The following APP variants were observed in gnomAD, a reference collection of about 807,000 sequenced individuals.
APP encodes the protein amyloid-beta precursor protein.
Under a neutral mutation model 101.4 loss-of-function variants are expected in APP, and 31 were observed. The observed-to-expected ratio is 0.31, with a 90% CI of 0.23 to 0.41. APP has a LOEUF of 0.41. Among genes scored for constraint, APP ranks in the 10% least tolerant of loss-of-function variants. APP has a pLI of 1.00. For missense variants in APP, 839 were observed against 1,003.7 expected (o/e 0.84, Z 2.22); for synonymous variants, 366 against 364.4 (o/e 1.00, Z -0.05).
intron 15 of APP, among the ~76,000 whole-genome samples, chr21:25,899,892 A>G (rs541451605): frequency 6.6e-6 from 1 of 152,268 alleles, no homozygotes; most frequent in Admixed American, 6.5e-5. Context: ...TCTCTTTAAT[A>G]TAGACATAAA....
chr21:25,936,071 C>G (rs138154138), intron 13 of APP, among the ~76,000 whole-genome samples: 1 of 152,042 alleles, frequency 6.6e-6, no homozygotes, highest in Non-Finnish European at 1.5e-5. Context: ...AGCTGAGGAA[C>G]GATGAAGAGG....
chr21:26,051,245 G>T lies in APP; in HGVS notation c.469-52C>A, dbSNP rs2070655. ...AGTGGTAGAGTAGATGTGTTTCATT[G>T]TAAGAAAACTCCACATAAAATAATC... is the stretch of plus-strand genomic sequence containing the variant. On this transcript the variant is annotated intron_variant, in intron 4 of 17. Transcript: ENST00000346798. The T allele has an allele frequency of 0.29, 449,307 of 1,524,904 alleles. 69,446 individuals carry two copies. The highest frequency in any genetic ancestry group is 0.46 in the East Asian group (19,976 of 43,402). 94.5% of individuals were successfully genotyped at this position (1,524,904 alleles called of 1,614,324 possible). A position where few individuals can be genotyped will look rare whatever the true frequency, so the allele number is the denominator to read the frequency against.
At chr21:26,050,891 G>T in intron 5 of APP, 109 bp downstream of exon 5, 1 of 1,344,906 alleles carries the variant, frequency 7.4e-7, no homozygotes, top group Non-Finnish European at 1.0e-6. Flanking sequence ...TCTGATGGGA[G>T]TGGGCAGAGA....
intron 2 of APP, among the ~76,000 whole-genome samples, chr21:26,097,963 T>G (rs931873443): frequency 6.6e-6 from 1 of 150,660 alleles, no homozygotes; most frequent in African/African-American, 2.4e-5. Flanking sequence ...GCCTGTAGTC[T>G]CAGCTACTTG....
intron 5 of APP, among the ~76,000 whole-genome samples, chr21:26,029,017 C>A (rs966589775): frequency 2.6e-5 from 4 of 151,986 alleles, no homozygotes; most frequent in African/African-American, 9.7e-5. Flanking sequence ...CAAGAGAGTG[C>A]ATGGATGGCT....
At chr21:26,099,777 G>A (rs947202123) in intron 2 of APP, among the ~76,000 whole-genome samples, 5 of 152,278 alleles carry the variant, frequency 3.3e-5, no homozygotes, top group South Asian at 2.1e-4. Context: ...TTAATGAGGC[G>A]CTGAGAGGCA....
At chr21:25,896,115 T>A (rs2038026884) in intron 16 of APP, among the ~76,000 whole-genome samples, 1 of 152,184 alleles carries the variant, frequency 6.6e-6, no homozygotes, top group East Asian at 1.9e-4. Context: ...TTCCCCAGTT[T>A]TTATTAACCT....
intron 11 of APP, among the ~76,000 whole-genome samples, chr21:25,967,946 G>C (rs185648671): frequency 6.6e-6 from 1 of 152,204 alleles, no homozygotes; most frequent in East Asian, 1.9e-4. Flanking sequence ...AATTCTTCCA[G>C]GGGGAAAAAG....
At chr21:25,988,642 T>C (rs1601126488) in intron 8 of APP, among the ~76,000 whole-genome samples, 1 of 140,168 alleles carries the variant, frequency 7.1e-6, no homozygotes, top group African/African-American at 2.7e-5. Context: ...GCGGAAGTTG[T>C]GGTGAGCCAA....
chr21:26,010,735 C>T (rs1277624038), intron 6 of APP, among the ~76,000 whole-genome samples: 3 of 142,914 alleles, frequency 2.1e-5, no homozygotes, highest in South Asian at 2.3e-4. Context: ...GCAAGAGAAT[C>T]GCTTGAACCT....
chr21:26,135,866 G>A (rs975194722), intron 1 of APP, among the ~76,000 whole-genome samples: 11 of 152,076 alleles, frequency 7.2e-5, no homozygotes, highest in African/African-American at 2.7e-4. Flanking sequence ...AGGCACGGTG[G>A]CTCACACCTG....
At chr21:25,896,850 A>G (rs1416885586) in intron 16 of APP, among the ~76,000 whole-genome samples, 2 of 152,152 alleles carry the variant, frequency 1.3e-5, no homozygotes, top group Non-Finnish European at 2.9e-5. Flanking sequence ...CATGGGAGGT[A>G]GGGGAGGGAA....
chr21:26,153,724 C>T (rs2063323152), intron 1 of APP, among the ~76,000 whole-genome samples: 1 of 152,192 alleles, frequency 6.6e-6, no homozygotes, highest in African/African-American at 2.4e-5. Context: ...AAACACAGGG[C>T]ATGCTTAACT....
chr21:25,944,040 C>A (rs1481895061), intron 13 of APP, among the ~76,000 whole-genome samples: 1 of 151,982 alleles, frequency 6.6e-6, no homozygotes, highest in Non-Finnish European at 1.5e-5. Context: ...CAATGCCCCC[C>A]CCCAACCAAA....
At chr21:25,998,050 A>AGTAC (rs1366827916) in intron 7 of APP, among the ~76,000 whole-genome samples, 2 of 152,202 alleles carry the variant, frequency 1.3e-5, no homozygotes, top group Admixed American at 6.5e-5. Context: ...AAGGGATGGC[A>AGTAC]GTACTGGGGT....
intron 15 of APP, among the ~76,000 whole-genome samples, chr21:25,898,284 T>C (rs1450716892): frequency 1.3e-5 from 2 of 152,216 alleles, no homozygotes; most frequent in Non-Finnish European, 2.9e-5. Flanking sequence ...ATTTTAAAAA[T>C]GCTTCTTAGC....
At chr21:25,937,108 TCCTC>T (rs1319651713) in intron 13 of APP, among the ~76,000 whole-genome samples, 1 of 152,138 alleles carries the variant, frequency 6.6e-6, no homozygotes, top group Non-Finnish European at 1.5e-5. Context: ...CCCAAGTTCT[TCCTC>T]CCTATCTTGC....
chr21:26,106,659 A>G (rs1322997380), intron 2 of APP, among the ~76,000 whole-genome samples: 3 of 152,204 alleles, frequency 2.0e-5, no homozygotes, highest in Non-Finnish European at 4.4e-5. Context: ...AGTTCTTAAG[A>G]GATACCTGCA....
chr21:26,147,147 G>C (rs2146328819), intron 1 of APP, among the ~76,000 whole-genome samples: 1 of 152,168 alleles, frequency 6.6e-6, no homozygotes, highest in East Asian at 1.9e-4. Context: ...GTTTTTCCCA[G>C]ATGACTTTTA....
Sources: gnomAD v4.1 joint callset for allele counts (sites outside exome capture counted in the v4.1 genomes callset) on GRCh38, gnomAD v4.1.1 for gene constraint, MANE v1.5 for transcripts, NCBI Gene and HGNC (gene_info 2026-07-23, HGNC 2026-07-21) for gene names.